The following RCOR1 variants were observed in gnomAD, a reference collection of about 807,000 sequenced individuals.
The protein encoded by RCOR1 is REST corepressor.
Under a neutral mutation model 64.0 loss-of-function variants are expected in RCOR1, and 12 were observed. That is an observed-to-expected ratio of 0.19 (90% confidence interval 0.12 to 0.30). RCOR1 has a LOEUF of 0.30. RCOR1 is among the 10% of genes least tolerant of loss of function. The pLI, the probability that RCOR1 is intolerant of heterozygous loss-of-function variation, is 1.00. For missense variants in RCOR1, 502 were observed against 621.2 expected (o/e 0.81, Z 2.04); for synonymous variants, 279 against 227.2 (o/e 1.23, Z -2.05).
chr14:102,677,161 A>G (rs1375601917), intron 2 of RCOR1, among the ~76,000 whole-genome samples: 3 of 63,758 alleles, frequency 4.7e-5, no homozygotes, highest in South Asian at 5.6e-4. Context: ...CGGGGGGCTG[A>G]CCCCCCCCCA....
chr14:102,655,986 C>CACACGT, intron 2 of RCOR1: 1 of 963,570 alleles, frequency 1.0e-6, no homozygotes, highest in Non-Finnish European at 1.2e-6. Context: ...CACACACACA[C>CACACGT]ACGTGAAATA....
intron 2 of RCOR1, among the ~76,000 whole-genome samples, chr14:102,652,711 T>C (rs1894616563): frequency 6.6e-6 from 1 of 152,154 alleles, no homozygotes; most frequent in Non-Finnish European, 1.5e-5. Context: ...GCTGACTTTT[T>C]CCCATAGATA....
chr14:102,673,723 C>G (rs1401357294), intron 2 of RCOR1, among the ~76,000 whole-genome samples: 1 of 152,174 alleles, frequency 6.6e-6, no homozygotes, highest in Non-Finnish European at 1.5e-5. Context: ...TCAAGTGATT[C>G]TCCTGCCTCA....
intron 2 of RCOR1, among the ~76,000 whole-genome samples, chr14:102,612,624 C>G (rs1024560633): frequency 6.6e-6 from 1 of 152,088 alleles, no homozygotes; most frequent in Non-Finnish European, 1.5e-5. Flanking sequence ...GAGTAAGCCA[C>G]TGCACCCAGC....
intron 2 of RCOR1, among the ~76,000 whole-genome samples, chr14:102,649,321 G>GA (rs949195200): frequency 6.6e-6 from 1 of 152,114 alleles, no homozygotes; most frequent in Non-Finnish European, 1.5e-5. Context: ...AATAAACTGA[G>GA]AAAAAAAGTA....
At chr14:102,609,649 T>C (rs1004908236) in intron 2 of RCOR1, among the ~76,000 whole-genome samples, 2 of 151,074 alleles carry the variant, frequency 1.3e-5, no homozygotes, top group Admixed American at 6.6e-5. Flanking sequence ...TTTCACCGTG[T>C]TGGCCAGGCT....
At position 102,703,363 on chromosome 14, in the gene RCOR1, A is replaced by C. The variant is rs1007021790; in HGVS notation, c.498+2033A>C. ...ATGTGAATATAAACAAACATCCAAG[A>C]AACTCAGTGAACTCCAAGTAGAATA... is the stretch of plus-strand genomic sequence containing the variant. On this transcript the variant is annotated intron_variant, in intron 4 of 11. Transcript: ENST00000262241. Among the ~76,000 whole-genome samples, 5 of 152,244 alleles carry C rather than the reference A, an allele frequency of 3.3e-5. 1 individual carries two copies. Among genetic ancestry groups the C allele is most frequent in the Non-Finnish European group, 7.3e-5 (5 of 68,034 alleles).
At chr14:102,654,796 T>G (rs962492698) in intron 2 of RCOR1, among the ~76,000 whole-genome samples, 1 of 150,316 alleles carries the variant, frequency 6.7e-6, no homozygotes, top group Non-Finnish European at 1.5e-5. Context: ...GTTTTTTTTT[T>G]TTTTTTTTTT....
intron 3 of RCOR1, among the ~76,000 whole-genome samples, chr14:102,686,549 A>G (rs892576390): frequency 6.6e-6 from 1 of 152,198 alleles, no homozygotes; most frequent in Non-Finnish European, 1.5e-5. Context: ...CAATGTAGTT[A>G]TCATCGTTTC....
intron 3 of RCOR1, among the ~76,000 whole-genome samples, chr14:102,692,712 CCTT>C (rs1431330474): frequency 9.3e-5 from 10 of 107,892 alleles, no homozygotes; most frequent in African/African-American, 4.1e-4. Context: ...CTACATCTCT[CCTT>C]CCTTCCTTCC....
chr14:102,708,335 C>T (rs1448643719), intron 5 of RCOR1, 130 bp from the exon 6 acceptor site: 55 of 605,190 alleles, frequency 9.1e-5, no homozygotes, highest in African/African-American at 1.3e-4. Flanking sequence ...CTCCTGACCT[C>T]GTGATCCGCC....
At chr14:102,678,445 A>G (rs1185924296) in intron 2 of RCOR1, among the ~76,000 whole-genome samples, 1 of 152,064 alleles carries the variant, frequency 6.6e-6, no homozygotes, top group Admixed American at 6.6e-5. Flanking sequence ...GTCTGCAGGC[A>G]CACACCACCA....
At chr14:102,612,752 A>C (rs548167371) in intron 2 of RCOR1, among the ~76,000 whole-genome samples, 2 of 151,480 alleles carry the variant, frequency 1.3e-5, no homozygotes, top group East Asian at 3.9e-4. Context: ...ACTTTGGGAG[A>C]CTGAGGTAGG....
At chr14:102,663,395 A>G (rs534498225) in intron 2 of RCOR1, among the ~76,000 whole-genome samples, 4 of 152,338 alleles carry the variant, frequency 2.6e-5, no homozygotes, top group African/African-American at 9.6e-5. Context: ...TGTTTTGCCA[A>G]ACTTTTGCAA....
At chr14:102,702,871 A>G (rs1012732701) in intron 4 of RCOR1, among the ~76,000 whole-genome samples, 13 of 152,234 alleles carry the variant, frequency 8.5e-5, no homozygotes, top group Admixed American at 4.6e-4. Flanking sequence ...AAAATTAATC[A>G]ACAGAAACTG....
chr14:102,683,332 A>G (rs1895344084), intron 3 of RCOR1, among the ~76,000 whole-genome samples: 1 of 152,172 alleles, frequency 6.6e-6, no homozygotes, highest in African/African-American at 2.4e-5. Flanking sequence ...TTTGACAGAT[A>G]TCAATACACG....
intron 2 of RCOR1, among the ~76,000 whole-genome samples, chr14:102,595,106 T>C (rs908233479): frequency 3.9e-5 from 6 of 152,254 alleles, no homozygotes; most frequent in Non-Finnish European, 5.9e-5. Flanking sequence ...TTTGGAGTTA[T>C]ACTTTTCTTT....
In RCOR1 at chr14:102,722,279, C is replaced by T. The variant is rs2139995661; in HGVS notation, c.1282C>T (p.Arg428Ter). The change falls in exon 11 of 12, where the codon CGA becomes TGA. Residue 428 changes from arginine (R) to a stop codon, truncating the protein, a stop_gained. Transcript: ENST00000262241. LOFTEE classifies it high-confidence loss of function. ...AGTGAAAAACTTTTTTGTAAATTAT[C>T]GACGCCGCTTCAACATAGATGAAGT... ...VQVKNFFVNY[R>*]RRFNIDEVLQ... 6.2e-7 allele frequency: 1 copy of T among 1,614,066 alleles called. No homozygotes were observed. The highest frequency in any genetic ancestry group is 8.5e-7 in the Non-Finnish European group (1 of 1,179,982).
intron 2 of RCOR1, among the ~76,000 whole-genome samples, chr14:102,621,622 G>A (rs550017622): frequency 2.0e-5 from 3 of 151,982 alleles, no homozygotes; most frequent in South Asian, 4.1e-4. Flanking sequence ...ATATTTTAAT[G>A]TCTGTACTAG....
Sources: allele counts gnomAD v4.1 joint callset (sites outside exome capture counted in the v4.1 genomes callset), GRCh38; gene constraint gnomAD v4.1.1; transcripts MANE v1.5; gene names NCBI Gene and HGNC (gene_info 2026-07-23, HGNC 2026-07-21).